ZDHHC14: variants seen among roughly 807,000 people sequenced by gnomAD.
The protein encoded by ZDHHC14 is zDHHC palmitoyltransferase 14.
ZDHHC14 carries 16 observed loss-of-function variants against 47.7 expected under a neutral mutation model. The ratio of observed to expected loss-of-function variants is 0.34; its 90% CI spans 0.23 to 0.51. The LOEUF (loss-of-function observed/expected upper bound fraction) is 0.51. ZDHHC14 is among the 20% of genes least tolerant of loss of function. The probability of loss-of-function intolerance (pLI) is 0.97; values close to 1 mark genes in which losing one functional copy is unlikely to be tolerated. For missense variants in ZDHHC14, 515 were observed against 662.5 expected, an observed-to-expected ratio of 0.78 and a Z score of 2.44; for synonymous variants, 293 against 278.9, an observed-to-expected ratio of 1.05 and a Z score of -0.50.
At chr6:157,655,011 G>A (rs994321716) in intron 8 of ZDHHC14, among the ~76,000 whole-genome samples, 1 of 152,104 alleles carries the variant, frequency 6.6e-6, no homozygotes, top group African/African-American at 2.4e-5. Flanking sequence ...CTGGGATGAC[G>A]GGCGTGAGCC....
chr6:157,527,218 G>T (rs1256293929), intron 1 of ZDHHC14, among the ~76,000 whole-genome samples: 2 of 152,072 alleles, frequency 1.3e-5, no homozygotes. Context: ...CCAGCCGGGG[G>T]GCCATGGCTG....
At chr6:157,433,235 A>C (rs568025554) in intron 1 of ZDHHC14, among the ~76,000 whole-genome samples, 1 of 152,382 alleles carries the variant, frequency 6.6e-6, no homozygotes, top group African/African-American at 2.4e-5. Context: ...TAATTGAATT[A>C]AGTTGGCTCT....
At chr6:157,565,148 G>A (rs901571911) in intron 2 of ZDHHC14, among the ~76,000 whole-genome samples, 45 of 152,266 alleles carry the variant, frequency 3.0e-4, no homozygotes, top group African/African-American at 1.0e-3. Context: ...TTGAGAGGCT[G>A]AGGTGGGAGG....
intron 1 of ZDHHC14, among the ~76,000 whole-genome samples, chr6:157,410,390 A>G (rs1777850399): frequency 1.3e-5 from 2 of 152,178 alleles, no homozygotes; most frequent in Non-Finnish European, 2.9e-5. Context: ...AATTGGCTGG[A>G]TTTGTTGCAG....
intron 3 of ZDHHC14, among the ~76,000 whole-genome samples, chr6:157,597,937 C>T (rs996117824): frequency 6.6e-6 from 1 of 152,246 alleles, no homozygotes; most frequent in Admixed American, 6.5e-5. Context: ...TTTCCCCTGC[C>T]TCTTTTAAAT....
chr6:157,565,573 C>A (rs778177485), intron 2 of ZDHHC14, among the ~76,000 whole-genome samples: 2 of 152,112 alleles, frequency 1.3e-5, no homozygotes, highest in Non-Finnish European at 2.9e-5. Context: ...AATCCCAGCA[C>A]TTTGGAAGGC....
At chr6:157,386,425 T>C (rs1334299777) in intron 1 of ZDHHC14, among the ~76,000 whole-genome samples, 1 of 152,160 alleles carries the variant, frequency 6.6e-6, no homozygotes, top group African/African-American at 2.4e-5. Context: ...AAGCTGTGGC[T>C]TTGCTGTTAC....
Position 157,389,947 on chromosome 6 carries a change from A to G in ZDHHC14, c.245+7681A>G, listed in dbSNP as rs545280984. On this transcript the variant is annotated intron_variant, in intron 1 of 8. Transcript: ENST00000359775. Reference sequence around the variant, plus strand: ...ATATAAAACATATATATGTATGTACATATATTAAATAGAGATAATTTTAAA... The same window carrying G: ...ATATAAAACATATATATGTATGTACGTATATTAAATAGAGATAATTTTAAA... Among the ~76,000 whole-genome samples, 4 of 152,310 alleles carry G rather than the reference A, an allele frequency of 2.6e-5. No individual in the cohort carries two copies. The East Asian group carries it at 7.7e-4, about 29-fold the overall frequency.
At chr6:157,491,140 GC>G (rs1286382012) in intron 1 of ZDHHC14, among the ~76,000 whole-genome samples, 1 of 152,178 alleles carries the variant, frequency 6.6e-6, no homozygotes, top group Non-Finnish European at 1.5e-5. Context: ...TACCCTTCTT[GC>G]CCCCGTTTGT....
chr6:157,585,970 A>G (rs1783683531), intron 2 of ZDHHC14, among the ~76,000 whole-genome samples: 1 of 152,150 alleles, frequency 6.6e-6, no homozygotes, highest in Admixed American at 6.5e-5. Flanking sequence ...GAGGTGCGGG[A>G]GCATGGCAGT....
chr6:157,414,026 T>A (rs1181091453), intron 1 of ZDHHC14, among the ~76,000 whole-genome samples: 1 of 152,116 alleles, frequency 6.6e-6, no homozygotes, highest in Non-Finnish European at 1.5e-5. Flanking sequence ...AACCTCCAAC[T>A]CCTGGGTTCA....
At chr6:157,442,308 C>T (rs781620394) in intron 1 of ZDHHC14, among the ~76,000 whole-genome samples, 8 of 152,224 alleles carry the variant, frequency 5.3e-5, no homozygotes, top group Admixed American at 2.0e-4. Flanking sequence ...ATTTGAGCCC[C>T]GGAGGTCAAG....
intron 2 of ZDHHC14, among the ~76,000 whole-genome samples, chr6:157,574,350 G>A (rs1044099970): frequency 1.3e-5 from 2 of 152,158 alleles, no homozygotes; most frequent in Non-Finnish European, 2.9e-5. Context: ...TTGAACCCGG[G>A]AGGTGGAGGT....
At chr6:157,487,262 G>C (rs1350465559) in intron 1 of ZDHHC14, among the ~76,000 whole-genome samples, 2 of 152,174 alleles carry the variant, frequency 1.3e-5, no homozygotes, top group Non-Finnish European at 2.9e-5. Flanking sequence ...GATGCAGTTG[G>C]GTAGAGAGGT....
chr6:157,613,485 C>G (rs4709439), intron 3 of ZDHHC14, among the ~76,000 whole-genome samples: 104,820 of 152,092 alleles, frequency 0.69, 36,261 homozygotes, highest in East Asian at 0.75. Context: ...GCCAAGGATT[C>G]CATTGACTTA....
At chr6:157,445,105 T>TAC (rs533031947) in intron 1 of ZDHHC14, among the ~76,000 whole-genome samples, 37,696 of 131,446 alleles carry the variant, frequency 0.29, 5,483 homozygotes, top group Middle Eastern at 0.38. Flanking sequence ...TGCCAGATAT[T>TAC]ACACACACAC....
At chr6:157,483,466 T>TC (rs992190632) in intron 1 of ZDHHC14, among the ~76,000 whole-genome samples, 2 of 152,178 alleles carry the variant, frequency 1.3e-5, no homozygotes, top group African/African-American at 4.8e-5. Context: ...AATATGTTTT[T>TC]CCCCCTGAAC....
chr6:157,494,436 G>T (rs1780006609), intron 1 of ZDHHC14, among the ~76,000 whole-genome samples: 1 of 152,230 alleles, frequency 6.6e-6, no homozygotes, highest in African/African-American at 2.4e-5. Context: ...CTCTGGTCTG[G>T]AGAGGTAGAC....
chr6:157,496,977 T>G (rs1355662990), intron 1 of ZDHHC14, among the ~76,000 whole-genome samples: 1 of 151,972 alleles, frequency 6.6e-6, no homozygotes, highest in Non-Finnish European at 1.5e-5. Flanking sequence ...TGTGTGTGGG[T>G]AGAGGTAGGG....
Sources: allele counts gnomAD v4.1 joint callset (sites outside exome capture counted in the v4.1 genomes callset), GRCh38; gene constraint gnomAD v4.1.1; transcripts MANE v1.5; gene names NCBI Gene and HGNC (gene_info 2026-07-23, HGNC 2026-07-21).